The following POFUT3 variants were observed in gnomAD, a reference collection of about 807,000 sequenced individuals.
POFUT3 encodes protein O-fucosyltransferase 3.
chr8:33,388,738 A>C, the POFUT3 span, among the ~76,000 whole-genome samples: 2 of 152,170 alleles, frequency 1.3e-5, no homozygotes, highest in Admixed American at 1.3e-4. Flanking sequence ...AGAAACAATA[A>C]AGGAGAATGA....
chr8:33,465,419 CAT>C, the POFUT3 span, among the ~76,000 whole-genome samples: 1,610 of 115,412 alleles, frequency 0.014, 18 homozygotes, highest in African/African-American at 0.032. Flanking sequence ...CACATACATA[CAT>C]ATATATATAG....
chr8:33,379,097 C>G, the POFUT3 span, among the ~76,000 whole-genome samples: 1 of 152,070 alleles, frequency 6.6e-6, no homozygotes, highest in Non-Finnish European at 1.5e-5. Flanking sequence ...TCCCTCCCTC[C>G]CCTCCTGCTT....
the POFUT3 span, among the ~76,000 whole-genome samples, chr8:33,312,490 C>G: frequency 6.6e-6 from 1 of 152,090 alleles, no homozygotes. Context: ...CCCCCCTCTC[C>G]TATCTCTGTT....
At chr8:33,470,956 A>T in the POFUT3 span, among the ~76,000 whole-genome samples, 41 of 150,754 alleles carry the variant, frequency 2.7e-4, no homozygotes, top group East Asian at 5.6e-3. Context: ...ATTTCCGGAA[A>T]TTTTTTTTTT....
chr8:33,428,288 C>T, the POFUT3 span, among the ~76,000 whole-genome samples: 1 of 152,220 alleles, frequency 6.6e-6, no homozygotes, highest in Non-Finnish European at 1.5e-5. Context: ...ACGTTCTCAA[C>T]AGGAGAAATC....
At chr8:33,322,988 A>T in the POFUT3 span, among the ~76,000 whole-genome samples, 2 of 151,198 alleles carry the variant, frequency 1.3e-5, no homozygotes, top group Admixed American at 6.6e-5. Context: ...ACCCAAGCTT[A>T]TCTTAGTCGT....
the POFUT3 span, among the ~76,000 whole-genome samples, chr8:33,356,154 C>A: frequency 6.6e-6 from 1 of 152,150 alleles, no homozygotes; most frequent in South Asian, 2.1e-4. Context: ...GTCTTTATAG[C>A]AGCATGATCT....
chr8:33,425,923 T>C, the POFUT3 span, among the ~76,000 whole-genome samples: 8 of 150,432 alleles, frequency 5.3e-5, no homozygotes, highest in East Asian at 2.0e-4. Context: ...AAAAAAAGAT[T>C]AGTGAATTCA....
the POFUT3 span, among the ~76,000 whole-genome samples, chr8:33,463,398 G>A: frequency 2.0e-5 from 3 of 151,828 alleles, no homozygotes; most frequent in Non-Finnish European, 4.4e-5. Flanking sequence ...CCAGCTACTC[G>A]GGAGGCTGAG....
chr8:33,436,690 AGCTTCAC>A, the POFUT3 span: 3 of 789,464 alleles, frequency 3.8e-6, no homozygotes, highest in Non-Finnish European at 2.2e-6. Flanking sequence ...TCCGATGAAC[AGCTTCAC>A]CATCCTGACC....
chr8:33,451,617 T>G, the POFUT3 span: 1 of 152,080 alleles, frequency 6.6e-6, no homozygotes, highest in Non-Finnish European at 1.5e-5. Flanking sequence ...TGTATATGTG[T>G]ATATATGTGT....
At chr8:33,438,881 G>T in the POFUT3 span, among the ~76,000 whole-genome samples, 2 of 152,212 alleles carry the variant, frequency 1.3e-5, no homozygotes, top group African/African-American at 4.8e-5. Flanking sequence ...GAACAGTCTG[G>T]GGGAAACCGC....
At chr8:33,464,255 G>A in the POFUT3 span, among the ~76,000 whole-genome samples, 4 of 152,126 alleles carry the variant, frequency 2.6e-5, no homozygotes, top group African/African-American at 4.8e-5. Context: ...CAACTGGAAC[G>A]TTAAAAGGAA....
the POFUT3 span, among the ~76,000 whole-genome samples, chr8:33,327,040 A>G: frequency 1.3e-5 from 2 of 152,154 alleles, no homozygotes; most frequent in African/African-American, 2.4e-5. Context: ...TGCGTCCCAA[A>G]GTGCTGGGAT....
the POFUT3 span, among the ~76,000 whole-genome samples, chr8:33,308,310 C>G: frequency 6.6e-6 from 1 of 152,146 alleles, no homozygotes; most frequent in Non-Finnish European, 1.5e-5. Flanking sequence ...AAAAATTAAT[C>G]TAAAAGAAGG....
chr8:33,354,826 A>ATG, the POFUT3 span, among the ~76,000 whole-genome samples: 6 of 152,208 alleles, frequency 3.9e-5, no homozygotes, highest in African/African-American at 1.4e-4. Context: ...TCTGAGACTT[A>ATG]TGTGGGGAGG....
At chr8:33,468,401 G>A in the POFUT3 span, among the ~76,000 whole-genome samples, 1 of 152,050 alleles carries the variant, frequency 6.6e-6, no homozygotes. Context: ...GGAGTCAACT[G>A]GGTTAATAAG....
the POFUT3 span, among the ~76,000 whole-genome samples, chr8:33,380,014 A>ACT: frequency 2.9e-5 from 2 of 69,028 alleles, no homozygotes; most frequent in South Asian, 1.2e-3. Context: ...CTATATATAT[A>ACT]GTATATATAT....
chr8:33,449,819 G>A, the POFUT3 span, among the ~76,000 whole-genome samples: 1 of 151,470 alleles, frequency 6.6e-6, no homozygotes, highest in South Asian at 2.1e-4. Context: ...CTCCATTCAT[G>A]CTGTTCTTCA....
Sources: gnomAD v4.1 joint callset for allele counts (sites outside exome capture counted in the v4.1 genomes callset) on GRCh38, gnomAD v4.1.1 for gene constraint, MANE v1.5 for transcripts, NCBI Gene and HGNC (gene_info 2026-07-23, HGNC 2026-07-21) for gene names.